The following ZNF776 variants were observed in gnomAD, a reference collection of about 807,000 sequenced individuals.
ZNF776 encodes zinc finger protein 776.
ZNF776 carries 4 observed loss-of-function variants against 7.0 expected under a neutral mutation model. The observed-to-expected ratio is 0.57, with a 90% CI of 0.28 to 1.31. ZNF776 has a LOEUF of 1.31. Ranked by LOEUF, ZNF776 falls within the 50% of genes most tolerant of loss-of-function variation. The pLI is 0.10. For missense variants in ZNF776, 555 were observed against 625.9 expected (o/e 0.89, Z 1.21); for synonymous variants, 212 against 213.7 (o/e 0.99, Z 0.07).
In ZNF776 at chr19:57,756,183, C is replaced by G. The variant is rs929253394; in HGVS notation, c.*1496C>G. 2.0e-5 allele frequency: 3 copies of G among 152,046 alleles called. No homozygotes were observed. Among genetic ancestry groups the G allele is most frequent in the African/African-American group, 7.2e-5 (3 of 41,396 alleles). The allele number at this position is 152,046 out of a possible 1,614,324, so 9.4% of individuals were successfully genotyped here. On this transcript the variant is annotated 3_prime_UTR_variant, in exon 3 of 3. Coordinates refer to ENST00000317178, the MANE Select transcript of ZNF776 (RefSeq NM_173632.4). ...CAAGCTGCGGGTTGGACCAGCTTGG[C>G]CTAGAGAATTTTTCTGATTACTTGA...
At position 57,757,529 on chromosome 19, in the gene ZNF776, T is replaced by C. The variant is rs1163007923; in HGVS notation, c.*2842T>C. The C allele has an allele frequency of 6.6e-6, 1 of 152,250 alleles. No homozygotes were observed. Among genetic ancestry groups the C allele is most frequent in the Non-Finnish European group, 1.5e-5 (1 of 68,056 alleles). 9.4% of individuals were successfully genotyped at this position (152,250 alleles called of 1,614,324 possible). A position where few individuals can be genotyped will look rare whatever the true frequency, so the allele number is the denominator to read the frequency against. ...AAGTATTTGGTATCACACAGGCTAATTGCCCCCCTTAGGGCGTGATGAGAG... is the reference window on the plus strand; with the variant it reads ...AAGTATTTGGTATCACACAGGCTAACTGCCCCCCTTAGGGCGTGATGAGAG... On this transcript the variant is annotated 3_prime_UTR_variant, in exon 3 of 3. Coordinates refer to ENST00000317178, the MANE Select transcript of ZNF776 (RefSeq NM_173632.4).
chr19:57,753,020 T>G (rs548127264), intron 2 of ZNF776, among the ~76,000 whole-genome samples: 2 of 152,366 alleles, frequency 1.3e-5, no homozygotes, highest in South Asian at 4.1e-4. Flanking sequence ...AAGATAAGTC[T>G]TCTTCATATT....
In ZNF776 at chr19:57,750,663, A is replaced by G. The variant is rs1306873649; in HGVS notation, c.34-122A>G. Reference sequence around the variant, plus strand: ...ATGACCAGTGAGCCCATGAGAAGATAGTGACACCAGTGGGCCTAGTTTCTC... The same window carrying G: ...ATGACCAGTGAGCCCATGAGAAGATGGTGACACCAGTGGGCCTAGTTTCTC... On this transcript the variant is annotated intron_variant, in intron 1 of 2. Coordinates refer to ENST00000317178, the MANE Select transcript of ZNF776 (RefSeq NM_173632.4). 3 of 1,301,146 alleles carry G rather than the reference A, an allele frequency of 2.3e-6. No homozygotes were observed. The African/African-American group carries it at 4.5e-5, about 20-fold the overall frequency. 80.6% of individuals were successfully genotyped at this position (1,301,146 alleles called of 1,614,324 possible). A position where few individuals can be genotyped will look rare whatever the true frequency, so the allele number is the denominator to read the frequency against.
At position 57,754,158 on chromosome 19, in the gene ZNF776, C is replaced by A; in HGVS notation, c.1028C>A (p.Thr343Asn). Reference sequence around the variant, plus strand: ...CTTGTTCACCACCAGCGAGTTCACACTGGAGAAAGACCTTATCAGTGTGGA... The same window carrying A: ...CTTGTTCACCACCAGCGAGTTCACAATGGAGAAAGACCTTATCAGTGTGGA... The part of the protein sequence containing the change: ...RSLVHHQRVH[T>N]GERPYQCGEC... Residue 343 changes from threonine (T) to asparagine (N), a missense_variant, in exon 3 of 3, where the codon ACT becomes AAT. Thr to Asn is a moderately conservative substitution (Grantham distance 65, BLOSUM62 0). Coordinates refer to ENST00000317178, the MANE Select transcript of ZNF776 (RefSeq NM_173632.4). The A allele has an allele frequency of 1.2e-6, 2 of 1,614,152 alleles. No homozygotes were observed. Among genetic ancestry groups the A allele is most frequent in the Non-Finnish European group, 1.7e-6 (2 of 1,179,998 alleles).
Position 57,747,089 on chromosome 19 carries a change from C to T in ZNF776, c.31C>T (p.Gln11Ter). 1 of 1,592,358 alleles carries T rather than the reference C, an allele frequency of 6.3e-7. No individual in the cohort carries two copies. Among genetic ancestry groups the T allele is most frequent in the Non-Finnish European group, 8.5e-7 (1 of 1,169,776 alleles). MAAAALRPPA[Q>*]GTVTFEDVAV... ...GGCGGCCGCGCTGAGGCCCCCGGCT[C>T]AGGTAATTGTGGCGTCTTCCGTGCC... is the stretch of plus-strand genomic sequence containing the variant. Residue 11 changes from glutamine (Q) to a stop codon, truncating the protein, a stop_gained and splice_region_variant, in exon 1 of 3, where the codon CAG becomes TAG. Transcript: ENST00000317178. LOFTEE classifies it high-confidence loss of function.
rs1986454997 is a variant in ZNF776 at position 57,747,050 on chromosome 19, C to T, written c.-9C>T. 6.3e-7 allele frequency: 1 copy of T among 1,585,556 alleles called. No individual in the cohort carries two copies. The highest frequency in any genetic ancestry group is 8.6e-7 in the Non-Finnish European group (1 of 1,165,960). On this transcript the variant is annotated 5_prime_UTR_variant, in exon 1 of 3. Transcript: ENST00000317178. The stretch of plus-strand genomic sequence containing the variant: ...CCTCCTTTCGACCCCGCTTTCCCCA[C>T]CCAGTCGGATGGCGGCGGCCGCGCT...
chr19:57,747,357 G>A (rs954392428), intron 1 of ZNF776, among the ~76,000 whole-genome samples: 2 of 152,240 alleles, frequency 1.3e-5, no homozygotes, highest in African/African-American at 4.8e-5. Context: ...CGGGAGCAAA[G>A]TGTGAGGCAG....
Position 57,753,707 on chromosome 19 carries a change from T to G in ZNF776, c.577T>G (p.Phe193Val), listed in dbSNP as rs1357950007. 2 of 1,614,210 alleles carry G rather than the reference T, an allele frequency of 1.2e-6. No individual in the cohort carries two copies. The highest frequency in any genetic ancestry group is 8.5e-7 in the Non-Finnish European group (1 of 1,180,034). ...CATTCACACTTCAGGGAAGTCAAACTTTGAAACTAAGCATGGGATACCCCT... is the reference window on the plus strand; with the variant it reads ...CATTCACACTTCAGGGAAGTCAAACGTTGAAACTAAGCATGGGATACCCCT... Reference protein sequence around the residue: ...EDIHTSGKSNFETKHGIPLQG... With the variant: ...EDIHTSGKSNVETKHGIPLQG... The change falls in exon 3 of 3, where the codon TTT becomes GTT. Residue 193 changes from phenylalanine (F) to valine (V), a missense_variant. Physicochemically the swap from Phe to Val is conservative, Grantham distance 50. Coordinates refer to ENST00000317178, the MANE Select transcript of ZNF776 (RefSeq NM_173632.4).
chr19:57,747,216 T>G (rs556960009), intron 1 of ZNF776, 125 bp downstream of exon 1: 14 of 1,047,422 alleles, frequency 1.3e-5, no homozygotes, highest in Non-Finnish European at 1.8e-5. Context: ...TGAGGCGCTC[T>G]CTATGGGCCC....
rs762846358 is a variant in ZNF776 at position 57,754,102 on chromosome 19, A to G, written c.972A>G (p.Glu324=). Residue 324 remains glutamate, a synonymous_variant, in exon 3 of 3, where the codon GAA becomes GAG. Transcript: ENST00000317178. ...HTGERPYECD[E]CGKSFSHKRS... Reference sequence around the variant, plus strand: ...GAGAAAGACCTTATGAATGTGACGAATGTGGGAAATCTTTTAGCCATAAGC... The same window carrying G: ...GAGAAAGACCTTATGAATGTGACGAGTGTGGGAAATCTTTTAGCCATAAGC... 2 of 1,614,002 alleles carry G rather than the reference A, an allele frequency of 1.2e-6. No individual in the cohort carries two copies. Among genetic ancestry groups the G allele is most frequent in the African/African-American group, 2.7e-5 (2 of 74,932 alleles).
rs541430570 is a variant in ZNF776, at chr19:57,754,443, G to C, written c.1313G>C (p.Gly438Ala). The change falls in exon 3 of 3, where the codon GGG becomes GCG. Residue 438 changes from glycine (G) to alanine (A), a missense_variant. Coordinates refer to ENST00000317178, the MANE Select transcript of ZNF776 (RefSeq NM_173632.4). ...AGGCCATATGAGTGTAGAGAATGTG[G>C]GAAATGTTTTCATCAAAAGGGCAGT... ...GERPYECREC[G>A]KCFHQKGSLI... 1 of 1,614,040 alleles carries C rather than the reference G, an allele frequency of 6.2e-7. No individual in the cohort carries two copies. Among genetic ancestry groups the C allele is most frequent in the African/African-American group, 1.3e-5 (1 of 75,002 alleles).
chr19:57,749,897 T>G (rs1453699197), intron 1 of ZNF776, among the ~76,000 whole-genome samples: 3 of 152,232 alleles, frequency 2.0e-5, no homozygotes, highest in Non-Finnish European at 4.4e-5. Context: ...ATGAGGGATG[T>G]CCTCTTCTAG....
At chr19:57,751,874 T>TTTTTG (rs1986617809) in intron 2 of ZNF776, among the ~76,000 whole-genome samples, 1 of 113,964 alleles carries the variant, frequency 8.8e-6, no homozygotes, top group Admixed American at 8.6e-5. Context: ...TTTTGTTTTT[T>TTTTTG]TTTTTTTTTT....
chr19:57,755,664 A>C lies in ZNF776; in HGVS notation c.*977A>C, dbSNP rs781007104. 6.6e-6 allele frequency: 1 copy of C among 152,218 alleles called. No homozygotes were observed. The highest frequency in any genetic ancestry group is 1.5e-5 in the Non-Finnish European group (1 of 68,040). 9.4% of individuals were successfully genotyped at this position (152,218 alleles called of 1,614,324 possible). A position where few individuals can be genotyped will look rare whatever the true frequency, so the allele number is the denominator to read the frequency against. On this transcript the variant is annotated 3_prime_UTR_variant, in exon 3 of 3. Coordinates refer to ENST00000317178, the MANE Select transcript of ZNF776 (RefSeq NM_173632.4). ...ACACCATCAACCTATATTGAATGTC[A>C]TATGTCCAGTAGCTGCATAAATTCC... is the stretch of plus-strand genomic sequence containing the variant.
rs1462325380 is a variant in ZNF776 at position 57,758,110 on chromosome 19, A to G, written c.*3423A>G. The G allele has an allele frequency of 6.6e-6, 1 of 152,090 alleles. No individual in the cohort carries two copies. Among genetic ancestry groups the G allele is most frequent in the African/African-American group, 2.4e-5 (1 of 41,400 alleles). The allele number at this position is 152,090 out of a possible 1,614,324, so 9.4% of individuals were successfully genotyped here. On this transcript the variant is annotated 3_prime_UTR_variant, in exon 3 of 3. Transcript: ENST00000317178. ...GCTTATGGATATGTTATTGCTTCTT[A>G]TTTTTGTCTGTTAGGAATAAAACTG...
chr19:57,746,906 G>A lies in ZNF776; in HGVS notation c.-153G>A, dbSNP rs1400997050. ...GAAGTGACTGAACCCAGAAGGTGGA[G>A]ACGAGACGTTGTCCCGACTGCACAG... is the stretch of plus-strand genomic sequence containing the variant. On this transcript the variant is annotated 5_prime_UTR_variant, in exon 1 of 3. Transcript: ENST00000317178. The A allele has an allele frequency of 5.6e-5, 38 of 681,766 alleles. No homozygotes were observed. Among genetic ancestry groups the A allele is most frequent in the Admixed American group, 1.6e-4 (5 of 32,106 alleles). 42.2% of individuals were successfully genotyped at this position (681,766 alleles called of 1,614,324 possible).
Position 57,750,897 on chromosome 19 carries a change from T to C in ZNF776, c.146T>C (p.Leu49Pro), listed in dbSNP as rs761810375. 12 of 1,610,284 alleles carry C rather than the reference T, an allele frequency of 7.5e-6. No homozygotes were observed. In the South Asian group the frequency reaches 1.2e-4, roughly 16 times the overall value. Residue 49 changes from leucine (L) to proline (P), a missense_variant, in exon 2 of 3, where the codon CTT (leucine) becomes CCT (proline). Coordinates refer to ENST00000317178, the MANE Select transcript of ZNF776 (RefSeq NM_173632.4). ...YHDVMLENLTLISSLGCWYGA... is the reference protein window; with the variant it reads ...YHDVMLENLTPISSLGCWYGA... ...GACGTGATGCTGGAGAACCTGACACTTATATCTTCTCTAGGTAAGGCACTC... is the reference window on the plus strand; with the variant it reads ...GACGTGATGCTGGAGAACCTGACACCTATATCTTCTCTAGGTAAGGCACTC...
In ZNF776 at chr19:57,753,676, A is replaced by G; in HGVS notation, c.546A>G (p.Gln182=). ...TGTCCAGCTTGAGATTACTCCAACA[A>G]GAGGACATTCACACTTCAGGGAAGT... ...DFLSSLRLLQ[Q]EDIHTSGKSN... Residue 182 remains glutamine, a synonymous_variant, in exon 3 of 3, where the codon CAA becomes CAG. Coordinates refer to ENST00000317178, the MANE Select transcript of ZNF776 (RefSeq NM_173632.4). The G allele has an allele frequency of 6.2e-7, 1 of 1,614,126 alleles. No individual in the cohort carries two copies. The highest frequency in any genetic ancestry group is 8.5e-7 in the Non-Finnish European group (1 of 1,179,958).
At chr19:57,751,899 G>GTCTTGC (rs1172224588) in intron 2 of ZNF776, among the ~76,000 whole-genome samples, 1 of 115,592 alleles carries the variant, frequency 8.7e-6, no homozygotes, top group African/African-American at 3.0e-5. Context: ...TTGAGACGGA[G>GTCTTGC]TCTTGCTCTG....
Sources: gnomAD v4.1 joint callset for allele counts (sites outside exome capture counted in the v4.1 genomes callset) on GRCh38, gnomAD v4.1.1 for gene constraint, MANE v1.5 for transcripts, NCBI Gene and HGNC (gene_info 2026-07-23, HGNC 2026-07-21) for gene names.